C10orf90: variants seen among roughly 807,000 people sequenced by gnomAD.
C10orf90 encodes the protein chromosome 10 open reading frame 90.
C10orf90 carries 56 observed loss-of-function variants against 62.5 expected under a neutral mutation model. That is an observed-to-expected ratio of 0.90 (90% CI 0.72 to 1.12). The LOEUF (loss-of-function observed/expected upper bound fraction) is 1.12, where lower values mean the gene tolerates loss of function less well. C10orf90 is among the 50% of genes most tolerant of loss of function. The pLI, the probability that C10orf90 is intolerant of heterozygous loss-of-function variation, is 0.00. For synonymous variants in C10orf90, 386 were observed against 340.4 expected, an observed-to-expected ratio of 1.13 and a Z score of -1.47; for missense variants, 970 against 880.4, an observed-to-expected ratio of 1.10 and a Z score of -1.29.
intron 2 of C10orf90, among the ~76,000 whole-genome samples, chr10:126,514,477 TGAGTATCTGC>T (rs946624879): frequency 6.6e-6 from 1 of 152,190 alleles, no homozygotes; most frequent in Non-Finnish European, 1.5e-5. Context: ...TGCCTCTCTG[TGAGTATCTGC>T]CACAAAGATA....
intron 2 of C10orf90, among the ~76,000 whole-genome samples, chr10:126,626,983 CTTTTTCT>C (rs1403187774): frequency 2.2e-5 from 3 of 138,028 alleles, no homozygotes; most frequent in African/African-American, 5.4e-5. Context: ...TTAGATTTTT[CTTTTTCT>C]TTTTCTTTTC....
At chr10:126,528,984 G>A (rs936249190) in intron 2 of C10orf90, among the ~76,000 whole-genome samples, 5 of 152,146 alleles carry the variant, frequency 3.3e-5, no homozygotes, top group Admixed American at 2.0e-4. Context: ...AGAAAGGTAG[G>A]TCATTGCTAC....
chr10:126,540,526 C>T (rs1471485444), intron 2 of C10orf90, among the ~76,000 whole-genome samples: 2 of 152,056 alleles, frequency 1.3e-5, no homozygotes, highest in Non-Finnish European at 2.9e-5. Context: ...AAGCGTGGTG[C>T]CACGTGCCTA....
At chr10:126,549,200 C>A (rs1440521520) in intron 2 of C10orf90, among the ~76,000 whole-genome samples, 1 of 152,120 alleles carries the variant, frequency 6.6e-6, no homozygotes, top group African/African-American at 2.4e-5. Context: ...CTATGAAAGA[C>A]CTTGTTCAGA....
intron 1 of C10orf90, among the ~76,000 whole-genome samples, chr10:126,666,902 C>T (rs1392252946): frequency 6.6e-6 from 1 of 150,824 alleles, no homozygotes; most frequent in African/African-American, 2.4e-5. Context: ...ATCATTTGAA[C>T]CCGGGAGGCG....
intron 2 of C10orf90, among the ~76,000 whole-genome samples, chr10:126,617,211 A>G (rs1371517254): frequency 6.6e-6 from 1 of 152,172 alleles, no homozygotes; most frequent in Non-Finnish European, 1.5e-5. Flanking sequence ...ACCCACTCAC[A>G]TCCCACCCCA....
intron 4 of C10orf90, among the ~76,000 whole-genome samples, chr10:126,483,379 T>C (rs551091208): frequency 6.6e-6 from 1 of 152,380 alleles, no homozygotes; most frequent in South Asian, 2.1e-4. Context: ...TTTTATAATG[T>C]AATTAAGGAT....
intron 2 of C10orf90, among the ~76,000 whole-genome samples, chr10:126,639,402 C>T (rs750101200): frequency 1.1e-4 from 17 of 152,192 alleles, no homozygotes; most frequent in Admixed American, 2.6e-4. Context: ...CAGTGCCAGA[C>T]GCCTGTCTCT....
rs11244992 is a variant in C10orf90 at position 126,470,295 on chromosome 10, T to C, written c.1535-5309A>G. 6,832 of 323,260 alleles carry C rather than the reference T, an allele frequency of 0.021. 445 individuals carry two copies. In the East Asian group the frequency reaches 0.23, roughly 11 times the overall value. 20.0% of individuals were successfully genotyped at this position (323,260 alleles called of 1,614,324 possible). A position where few individuals can be genotyped will look rare whatever the true frequency, so the allele number is the denominator to read the frequency against. On this transcript the variant is annotated intron_variant, in intron 4 of 9. Coordinates refer to ENST00000488181, the MANE Select transcript of C10orf90 (RefSeq NM_001350921.2). ...GGAAGGAAGAGGCAGTAACAATGGG[T>C]ACTCCAATCGCACAGCTTTTCAAGC...
Position 126,670,428 on chromosome 10 carries a change from C to T in C10orf90, c.53G>A (p.Arg18His), listed in dbSNP as rs757803602. 20 of 456,570 alleles carry T rather than the reference C, an allele frequency of 4.4e-5. No individual in the cohort carries two copies. The highest frequency in any genetic ancestry group is 2.1e-4 in the East Asian group (3 of 14,394). 28.3% of individuals were successfully genotyped at this position (456,570 alleles called of 1,614,324 possible). A position where few individuals can be genotyped will look rare whatever the true frequency, so the allele number is the denominator to read the frequency against. Residue 18 changes from arginine to histidine, a missense_variant, in exon 1 of 10, where the codon CGC becomes CAC. Physicochemically the swap from Arg to His is conservative, Grantham distance 29. Transcript: ENST00000488181. The part of the protein sequence containing the change: ...TKTHPQGYAA[R>H]YTETAVHRTF... ...CCGATGCACGGCCGTTTCTGTGTAG[C>T]GGGCAGCATACCCCTGCGGATGAGT...
chr10:126,567,034 G>T (rs1285821221), intron 2 of C10orf90, among the ~76,000 whole-genome samples: 17 of 152,182 alleles, frequency 1.1e-4, no homozygotes, highest in Non-Finnish European at 8.8e-5. Context: ...GTGGGCCATT[G>T]CCTGTGAACA....
chr10:126,463,065 C>G (rs1590950350), intron 5 of C10orf90, among the ~76,000 whole-genome samples: 1 of 150,136 alleles, frequency 6.7e-6, no homozygotes, highest in Non-Finnish European at 1.5e-5. Context: ...CTAGCCCCAA[C>G]CCCCGTCCTG....
chr10:126,493,296 T>C (rs1047697171), intron 4 of C10orf90, among the ~76,000 whole-genome samples: 1 of 151,986 alleles, frequency 6.6e-6, no homozygotes, highest in Non-Finnish European at 1.5e-5. Flanking sequence ...GCAGTAGGAT[T>C]ATGGTTGATT....
At chr10:126,651,194 T>C (rs1846284572) in intron 1 of C10orf90, among the ~76,000 whole-genome samples, 1 of 152,218 alleles carries the variant, frequency 6.6e-6, no homozygotes, top group Admixed American at 6.5e-5. Context: ...ACTGTTTTTG[T>C]TGTTTCCTGA....
At position 126,449,209 on chromosome 10, in the gene C10orf90, C is replaced by A. The variant is rs528438991; in HGVS notation, c.2188+9831G>T. Among the ~76,000 whole-genome samples, 208 of 152,228 alleles carry A rather than the reference C, an allele frequency of 1.4e-3. 1 individual carries two copies. Among genetic ancestry groups the A allele is most frequent in the African/African-American group, 4.8e-3 (199 of 41,552 alleles). ...TCACCATGATCAAGTAGGATTTATG[C>A]CTGGGATGCAATGATGGTTCCGTAT... is the stretch of plus-strand genomic sequence containing the variant. On this transcript the variant is annotated intron_variant, in intron 7 of 9. Coordinates refer to ENST00000488181, the MANE Select transcript of C10orf90 (RefSeq NM_001350921.2).
intron 7 of C10orf90, among the ~76,000 whole-genome samples, chr10:126,436,838 T>C (rs779512149): frequency 6.6e-6 from 1 of 152,076 alleles, no homozygotes; most frequent in Non-Finnish European, 1.5e-5. Flanking sequence ...TGTTTTGTTT[T>C]TTGTAGAGAT....
intron 2 of C10orf90, among the ~76,000 whole-genome samples, chr10:126,551,705 T>C (rs1273955454): frequency 6.6e-6 from 1 of 152,182 alleles, no homozygotes; most frequent in Non-Finnish European, 1.5e-5. Flanking sequence ...ATTTTATATA[T>C]TGTCTCAAAG....
rs753168912 is a variant in C10orf90, at chr10:126,504,170, A to T, written c.1321T>A (p.Leu441Met). Residue 441 changes from leucine to methionine, a missense_variant, in exon 4 of 10, where the codon TTG becomes ATG. By Grantham distance (15) the Leu-to-Met change is conservative. Coordinates refer to ENST00000488181, the MANE Select transcript of C10orf90 (RefSeq NM_001350921.2). This position sits in a 1 kb window ranked among gnomAD's most constrained non-coding sequence, Gnocchi z 4.1. ...CGCCTCAACGATGGGGTTTCCTTCAAGTGACTTTCTTGTAAACCTGGGTTC... is the reference window on the plus strand; with the variant it reads ...CGCCTCAACGATGGGGTTTCCTTCATGTGACTTTCTTGTAAACCTGGGTTC... ...RWNPGLQESH[L>M]KETPSLRRVH... The T allele has an allele frequency of 1.9e-6, 3 of 1,614,090 alleles. No homozygotes were observed. In the South Asian group the frequency reaches 3.3e-5, roughly 18 times the overall value.
At chr10:126,619,332 A>C (rs775228766) in intron 2 of C10orf90, among the ~76,000 whole-genome samples, 10 of 152,228 alleles carry the variant, frequency 6.6e-5, no homozygotes, top group Non-Finnish European at 1.0e-4. Flanking sequence ...ATCACTTGGC[A>C]TAGAGCATCA....
Sources: allele counts gnomAD v4.1 joint callset (sites outside exome capture counted in the v4.1 genomes callset), GRCh38; gene constraint gnomAD v4.1.1; non-coding constraint Gnocchi (gnomAD v3.1); transcripts MANE v1.5; gene names NCBI Gene and HGNC (gene_info 2026-07-23, HGNC 2026-07-21).